The following TRPM3 variants were observed in gnomAD, a reference collection of about 807,000 sequenced individuals.
TRPM3 encodes the protein transient receptor potential cation channel subfamily M member 3, also known as long transient receptor potential channel 3.
Under a neutral mutation model 181.2 loss-of-function variants are expected in TRPM3, and 77 were observed. The ratio of observed to expected loss-of-function variants is 0.42; its 90% CI spans 0.35 to 0.51. The LOEUF is 0.51. Among genes scored for constraint, TRPM3 ranks in the 20% least tolerant of loss-of-function variants. TRPM3 has a pLI of 0.01. For missense variants in TRPM3, 1,759 were observed against 2,196.7 expected, an observed-to-expected ratio of 0.80 and a Z score of 3.98; for synonymous variants, 745 against 796.4, an observed-to-expected ratio of 0.94 and a Z score of 1.09.
At chr9:71,001,124 G>A (rs1819424790) in intron 1 of TRPM3, among the ~76,000 whole-genome samples, 4 of 152,172 alleles carry the variant, frequency 2.6e-5, no homozygotes, top group Admixed American at 2.6e-4. Flanking sequence ...GGGTGATTAA[G>A]CTAATTCTGA....
intron 1 of TRPM3, among the ~76,000 whole-genome samples, chr9:71,171,032 C>T (rs568019974): frequency 3.7e-5 from 2 of 54,664 alleles, no homozygotes; most frequent in South Asian, 8.1e-4. Flanking sequence ...TATAAACAGC[C>T]CCCCCCAGGT....
chr9:70,901,852 G>C (rs1439876630), intron 1 of TRPM3, among the ~76,000 whole-genome samples: 1 of 152,186 alleles, frequency 6.6e-6, no homozygotes, highest in African/African-American at 2.4e-5. Flanking sequence ...AATGATATGA[G>C]AGTGCATGAC....
intron 1 of TRPM3, among the ~76,000 whole-genome samples, chr9:71,276,397 G>A (rs2084217346): frequency 6.6e-6 from 1 of 152,018 alleles, no homozygotes; most frequent in African/African-American, 2.4e-5. Context: ...CCATCAGGGA[G>A]TAAAAATTTA....
At position 71,134,421 on chromosome 9, in the gene TRPM3, G is replaced by T. The variant is rs1303768019; in HGVS notation, c.184-269910C>A. On this transcript the variant is annotated intron_variant, in intron 1 of 24. Coordinates refer to the TRPM3 transcript ENST00000357533. ...ACAAAAATTAGCTGGGTGTGATGGTGTGCACCTGTAGTCCCAGCTACTTGG... is the reference window on the plus strand; with the variant it reads ...ACAAAAATTAGCTGGGTGTGATGGTTTGCACCTGTAGTCCCAGCTACTTGG... Among the ~76,000 whole-genome samples, 45 of 151,884 alleles carry T rather than the reference G, an allele frequency of 3.0e-4. 1 individual carries two copies. Among genetic ancestry groups the T allele is most frequent in the Admixed American group, 3.0e-3 (45 of 15,236 alleles).
chr9:70,778,202 C>A (rs574918482), intron 7 of TRPM3, among the ~76,000 whole-genome samples: 1 of 152,260 alleles, frequency 6.6e-6, no homozygotes, highest in East Asian at 1.9e-4. Flanking sequence ...AAAATAGAGT[C>A]ATTCTATTGC....
chr9:71,125,188 A>G (rs953592780), upstream of TRPM3, among the ~76,000 whole-genome samples: 10 of 151,896 alleles, frequency 6.6e-5, no homozygotes, highest in Non-Finnish European at 5.9e-5. Context: ...TGTGCTTTGA[A>G]TTTTCTTTTT....
intron 1 of TRPM3, among the ~76,000 whole-genome samples, chr9:71,275,668 T>G (rs2084146957): frequency 6.6e-6 from 1 of 152,104 alleles, no homozygotes. Flanking sequence ...AAACTTCAAT[T>G]ATAAAGCCAT....
chr9:70,693,998 A>G (rs1810618168), intron 8 of TRPM3, among the ~76,000 whole-genome samples: 1 of 152,238 alleles, frequency 6.6e-6, no homozygotes, highest in Admixed American at 6.5e-5. Flanking sequence ...GCTGAGGCTG[A>G]GGGATCTGCC....
chr9:71,241,510 G>A (rs147623978), intron 1 of TRPM3, among the ~76,000 whole-genome samples: 3 of 133,808 alleles, frequency 2.2e-5, no homozygotes, highest in Non-Finnish European at 4.8e-5. Flanking sequence ...GTGGGGGGAG[G>A]GGGGAGGGAT....
chr9:71,121,030 T>C (rs73647947), intron 1 of TRPM3, 148 bp downstream of exon 1: 52,029 of 687,470 alleles, frequency 0.076, 2,350 homozygotes, highest in Admixed American at 0.16. Context: ...GCAGGAGTAC[T>C]GAGAACCTCT....
rs2040879208 is a variant in TRPM3, at chr9:70,531,590, A to G, written c.*4363T>C. On this transcript the variant is annotated 3_prime_UTR_variant, in exon 26 of 26. Coordinates refer to ENST00000677713, the MANE Select transcript of TRPM3 (RefSeq NM_001366145.2). ...ATAATGCAATATCTAGGCCAAATAT[A>G]TAACCACCTACACACTAGTATCACT... The G allele has an allele frequency of 2.0e-5, 3 of 152,358 alleles. No homozygotes were observed. The highest frequency in any genetic ancestry group is 4.1e-4 in the South Asian group (2 of 4,828). The allele number at this position is 152,358 out of a possible 1,614,324, so 9.4% of individuals were successfully genotyped here.
chr9:70,799,575 T>C (rs2088287923), intron 6 of TRPM3, among the ~76,000 whole-genome samples: 1 of 152,212 alleles, frequency 6.6e-6, no homozygotes, highest in Non-Finnish European at 1.5e-5. Flanking sequence ...TCCATTAGAA[T>C]GGCACATCTA....
upstream of TRPM3, among the ~76,000 whole-genome samples, chr9:71,123,224 C>T (rs1037207844): frequency 1.3e-5 from 2 of 152,156 alleles, no homozygotes; most frequent in African/African-American, 4.8e-5. Context: ...TTTAATCTTA[C>T]ATAAGAGTTA....
chr9:70,888,220 T>G (rs1662916603), intron 1 of TRPM3, among the ~76,000 whole-genome samples: 2 of 152,158 alleles, frequency 1.3e-5, no homozygotes, highest in Non-Finnish European at 2.9e-5. Flanking sequence ...TTAGCTTCAG[T>G]CTTTACTATG....
chr9:71,076,129 T>G (rs1337783836), intron 1 of TRPM3, among the ~76,000 whole-genome samples: 1 of 152,120 alleles, frequency 6.6e-6, no homozygotes, highest in African/African-American at 2.4e-5. Context: ...TAACTAGTGG[T>G]GGGCTGGAGT....
At chr9:70,897,756 T>C (rs899139340) in intron 1 of TRPM3, among the ~76,000 whole-genome samples, 1 of 152,154 alleles carries the variant, frequency 6.6e-6, no homozygotes, top group Non-Finnish European at 1.5e-5. Flanking sequence ...ATTATGCTGA[T>C]AACCTATTAG....
chr9:71,417,492 G>A (rs1274579206), intron 1 of TRPM3, among the ~76,000 whole-genome samples: 2 of 151,896 alleles, frequency 1.3e-5, no homozygotes, highest in African/African-American at 4.8e-5. Flanking sequence ...TTTGTTGAAA[G>A]GCACATGCAC....
chr9:70,998,455 C>T (rs980511034), intron 1 of TRPM3, among the ~76,000 whole-genome samples: 2 of 151,928 alleles, frequency 1.3e-5, no homozygotes, highest in Non-Finnish European at 2.9e-5. Context: ...TATGAACACC[C>T]CCTGAGGGAG....
chr9:70,583,815 T>C (rs2056533677), intron 22 of TRPM3, among the ~76,000 whole-genome samples: 1 of 152,186 alleles, frequency 6.6e-6, no homozygotes, highest in East Asian at 1.9e-4. Context: ...AGAGTTCCAG[T>C]CTTTAGCTGT....
Sources: gnomAD v4.1 joint callset for allele counts (sites outside exome capture counted in the v4.1 genomes callset) on GRCh38, gnomAD v4.1.1 for gene constraint, MANE v1.5 for transcripts, NCBI Gene and HGNC (gene_info 2026-07-23, HGNC 2026-07-21) for gene names.